The following PDZD2 variants were observed in gnomAD, a reference collection of about 807,000 sequenced individuals.
The protein encoded by PDZD2 is PDZ domain containing 2, also known as PDZ domain-containing protein 2.
Under a neutral mutation model 220.7 loss-of-function variants are expected in PDZD2, and 90 were observed. That is an observed-to-expected ratio of 0.41 (90% CI 0.34 to 0.49). The LOEUF is 0.49. PDZD2 is among the 20% of genes least tolerant of loss of function. PDZD2 has a pLI of 0.28. For missense variants in PDZD2, 3,174 were observed against 3,608.5 expected (o/e 0.88, Z 3.08); for synonymous variants, 1,375 against 1,450.5 (o/e 0.95, Z 1.18).
chr5:31,850,226 G>GTATATATA (rs752884909), intron 2 of PDZD2, among the ~76,000 whole-genome samples: 8,195 of 100,994 alleles, frequency 0.081, 610 homozygotes, highest in African/African-American at 0.15. Context: ...ATATATATAA[G>GTATATATA]TATATATATA....
In PDZD2 at chr5:31,820,072, G is replaced by A. The variant is rs530535539; in HGVS notation, c.476+20348G>A. On this transcript the variant is annotated intron_variant, in intron 2 of 24. Transcript: ENST00000438447. ...TACCAGGGATAGCTCCCAATGCGGT[G>A]CCTCCCCAAGCTGGGGGCTGGGTCC... 7.2e-5 allele frequency among the ~76,000 whole-genome samples: 11 copies of A among 152,312 alleles called. No individual in the cohort carries two copies. The South Asian group carries it at 2.3e-3, about 32-fold the overall frequency.
intron 2 of PDZD2, among the ~76,000 whole-genome samples, chr5:31,950,110 G>A (rs1223888596): frequency 3.9e-5 from 6 of 152,194 alleles, no homozygotes; most frequent in Non-Finnish European, 4.4e-5. Flanking sequence ...AGATTGCAGT[G>A]CCTTTGTAGT....
intron 1 of PDZD2, among the ~76,000 whole-genome samples, chr5:31,743,007 TTC>T (rs1185399755): frequency 6.6e-6 from 1 of 152,190 alleles, no homozygotes; most frequent in Non-Finnish European, 1.5e-5. Context: ...TTTCCAAATA[TTC>T]TTTCTGATTA....
intron 1 of PDZD2, among the ~76,000 whole-genome samples, chr5:31,652,966 C>T (rs552718612): frequency 6.6e-6 from 1 of 152,110 alleles, no homozygotes; most frequent in East Asian, 1.9e-4. Flanking sequence ...GAGCCGAGAT[C>T]GTGCCATTGA....
intron 6 of PDZD2, among the ~76,000 whole-genome samples, chr5:32,028,105 C>T (rs1581317175): frequency 6.6e-6 from 1 of 152,004 alleles, no homozygotes; most frequent in Non-Finnish European, 1.5e-5. Flanking sequence ...TGCAACCAGT[C>T]CTGAAGTTTT....
At position 32,072,146 on chromosome 5, in the gene PDZD2, TTTC is replaced by T. The variant is rs756470625; in HGVS notation, c.2569-8_2569-6del. On this transcript the variant is annotated splice_polypyrimidine_tract_variant and intron_variant, in intron 16 of 24. Transcript: ENST00000438447. ...CTGTGTTTTCTTAGTTATCGGATGT[TTTC>T]TTCTTCAACAGGACTCCCTTATTTC... The T allele has an allele frequency of 1.3e-6, 2 of 1,591,188 alleles. No individual in the cohort carries two copies. Among genetic ancestry groups the T allele is most frequent in the Non-Finnish European group, 1.7e-6 (2 of 1,163,644 alleles).
At chr5:31,726,015 G>T in intron 1 of PDZD2, 1 of 412,828 alleles carries the variant, frequency 2.4e-6, no homozygotes, top group Non-Finnish European at 4.3e-6. Context: ...ATGCATAATG[G>T]AGTAGAAAGC....
At chr5:32,026,274 C>G (rs1216438859) in intron 6 of PDZD2, among the ~76,000 whole-genome samples, 14 of 151,972 alleles carry the variant, frequency 9.2e-5, no homozygotes, top group Admixed American at 8.5e-4. Flanking sequence ...GTAGCTGAGA[C>G]TACAGGCATG....
intron 1 of PDZD2, among the ~76,000 whole-genome samples, chr5:31,753,247 C>T (rs1000613508): frequency 4.6e-5 from 7 of 152,192 alleles, no homozygotes; most frequent in African/African-American, 1.4e-4. Flanking sequence ...AAGCACAAGA[C>T]AAAAGCATAC....
chr5:31,916,506 C>T (rs765273268), intron 2 of PDZD2, among the ~76,000 whole-genome samples: 2 of 152,268 alleles, frequency 1.3e-5, no homozygotes, highest in Middle Eastern at 3.2e-3. Flanking sequence ...TGTCCCAGCC[C>T]AGCAAGTGAG....
Position 31,883,216 on chromosome 5 carries a change from C to CTTT in PDZD2, c.476+83512_476+83514dup, listed in dbSNP as rs58100064. 2.9e-3 allele frequency among the ~76,000 whole-genome samples: 271 copies of CTTT among 94,460 alleles called. 2 individuals are homozygous for CTTT. The highest frequency in any genetic ancestry group is 4.1e-3 in the Non-Finnish European group (207 of 50,818). 62.0% of individuals were successfully genotyped at this position (94,460 alleles called of 152,430 possible). ...AATTATGAGTTTATTAGCATGCTAC[C>CTTT]TTTTTTTTTTTTTTTTTTTTTTGAG... On this transcript the variant is annotated intron_variant, in intron 2 of 24. Coordinates refer to ENST00000438447, the MANE Select transcript of PDZD2 (RefSeq NM_178140.4).
chr5:31,935,809 GTCCTCC>G (rs1745670452), intron 2 of PDZD2, among the ~76,000 whole-genome samples: 1 of 152,160 alleles, frequency 6.6e-6, no homozygotes, highest in Non-Finnish European at 1.5e-5. Context: ...GAAATCTTCA[GTCCTCC>G]TCCCTGGCAG....
At chr5:31,701,537 A>G (rs1352264045) in intron 1 of PDZD2, among the ~76,000 whole-genome samples, 10 of 152,172 alleles carry the variant, frequency 6.6e-5, no homozygotes, top group African/African-American at 2.4e-4. Flanking sequence ...ACGTCTAGCT[A>G]TACACACAGG....
chr5:31,946,748 C>T (rs1202071379), intron 2 of PDZD2, among the ~76,000 whole-genome samples: 1 of 152,152 alleles, frequency 6.6e-6, no homozygotes, highest in African/African-American at 2.4e-5. Flanking sequence ...TTGGAGTGCA[C>T]TGGTGCAATG....
At chr5:31,889,045 GGTT>G (rs1248771972) in intron 2 of PDZD2, among the ~76,000 whole-genome samples, 3 of 152,082 alleles carry the variant, frequency 2.0e-5, no homozygotes, top group Non-Finnish European at 4.4e-5. Flanking sequence ...ATGTTTTGCG[GGTT>G]GTTCTGTTGT....
At position 31,983,622 on chromosome 5, in the gene PDZD2, A is replaced by G. The variant is rs565500680; in HGVS notation, c.944A>G (p.Lys315Arg). 83 of 1,614,096 alleles carry G rather than the reference A, an allele frequency of 5.1e-5. 1 individual carries two copies. In the South Asian group the frequency reaches 8.6e-4, roughly 17 times the overall value. ...AAACGCCGCTTCTCAAAAGGTGGGA[A>G]GACGGACTTCCAATCGAGTGACTGC... ...NDKRRFSKGG[K>R]TDFQSSDCLA... Residue 315 changes from lysine (K) to arginine (R), a missense_variant, in exon 3 of 25, where the codon AAG (lysine) becomes AGG (arginine). Around this residue, in one of 4 missense-constraint regions of PDZD2, gnomAD observed 632 missense variants for 708.1 expected, o/e 0.89. Coordinates refer to ENST00000438447, the MANE Select transcript of PDZD2 (RefSeq NM_178140.4).
intron 1 of PDZD2, among the ~76,000 whole-genome samples, chr5:31,671,798 C>A (rs4867364): frequency 6.6e-6 from 1 of 152,214 alleles, no homozygotes. Flanking sequence ...CTGGGGCCCA[C>A]CCCTGCAAAG....
intron 7 of PDZD2, among the ~76,000 whole-genome samples, chr5:32,037,807 G>A (rs1347230416): frequency 6.6e-6 from 1 of 151,816 alleles, no homozygotes; most frequent in African/African-American, 2.4e-5. Context: ...CTCTGTGCAG[G>A]AGGCACCTTA....
At chr5:31,878,555 C>CTTGTTTTTTTTTTTTT (rs1739531670) in intron 2 of PDZD2, among the ~76,000 whole-genome samples, 2 of 48,198 alleles carry the variant, frequency 4.1e-5, no homozygotes, top group Non-Finnish European at 7.4e-5. Flanking sequence ...ATGACCTCGG[C>CTTGTTTTTTTTTTTTT]TTTTTTTTTT....
Sources: gnomAD v4.1 joint callset for allele counts (sites outside exome capture counted in the v4.1 genomes callset) on GRCh38, gnomAD v4.1.1 for gene constraint, gnomAD v4.1.1 regional missense constraint, MANE v1.5 for transcripts, NCBI Gene and HGNC (gene_info 2026-07-23, HGNC 2026-07-21) for gene names.